ZNF277: variants seen among roughly 807,000 people sequenced by gnomAD.
ZNF277 encodes the protein nuclear receptor-interacting factor 4.
A neutral mutation model predicts 60.7 loss-of-function variants in ZNF277; 55 were observed. The observed-to-expected ratio is 0.91, with a 90% confidence interval of 0.73 to 1.13. The LOEUF (loss-of-function observed/expected upper bound fraction) is 1.13. Ranked by LOEUF, ZNF277 falls within the 50% of genes most tolerant of loss-of-function variation. The pLI, the probability that ZNF277 is intolerant of heterozygous loss-of-function variation, is 0.00. For missense variants in ZNF277, 510 were observed against 523.0 expected (o/e 0.98, Z 0.24); for synonymous variants, 178 against 179.3 (o/e 0.99, Z 0.06).
At chr7:112,297,367 T>C (rs1243325663) in intron 4 of ZNF277, among the ~76,000 whole-genome samples, 1 of 152,218 alleles carries the variant, frequency 6.6e-6, no homozygotes, top group Non-Finnish European at 1.5e-5. Context: ...TAGTGATTTC[T>C]TGTAAGTCTT....
chr7:112,287,893 A>G (rs965133428), intron 2 of ZNF277: 1 of 136,158 alleles, frequency 7.3e-6, no homozygotes, highest in African/African-American at 3.5e-5. Flanking sequence ...AGAATGTCAC[A>G]TACTAATTTA....
chr7:112,251,230 G>T (rs1474662828), intron 1 of ZNF277, among the ~76,000 whole-genome samples: 2 of 152,084 alleles, frequency 1.3e-5, no homozygotes, highest in African/African-American at 4.8e-5. Context: ...TAAATTTAAT[G>T]ATTTTTAACT....
chr7:112,329,047 A>T (rs980615757), intron 6 of ZNF277, among the ~76,000 whole-genome samples: 1 of 152,164 alleles, frequency 6.6e-6, no homozygotes, highest in Non-Finnish European at 1.5e-5. Context: ...GCAATAATGA[A>T]TATATATAAT....
intron 1 of ZNF277, among the ~76,000 whole-genome samples, chr7:112,266,857 T>C (rs1322164595): frequency 6.6e-6 from 1 of 152,184 alleles, no homozygotes; most frequent in East Asian, 1.9e-4. Context: ...GTCACATAAA[T>C]GTTAAATTTT....
chr7:112,326,708 C>T (rs1463414300), intron 5 of ZNF277, among the ~76,000 whole-genome samples: 1 of 149,996 alleles, frequency 6.7e-6, no homozygotes, highest in African/African-American at 2.5e-5. Context: ...TTCACTTTCT[C>T]AAGGGGAAAA....
intron 2 of ZNF277, 102 bp downstream of exon 2, chr7:112,287,176 C>G: frequency 8.2e-7 from 1 of 1,213,638 alleles, no homozygotes; most frequent in Non-Finnish European, 1.2e-6. Flanking sequence ...GAGGATCACC[C>G]GAGGCCAGTA....
At chr7:112,250,114 G>A (rs1791170794) in intron 1 of ZNF277, among the ~76,000 whole-genome samples, 1 of 152,166 alleles carries the variant, frequency 6.6e-6, no homozygotes, top group South Asian at 2.1e-4. Context: ...ACATCCCTGA[G>A]AAAGAGAATG....
At chr7:112,207,078 C>T (rs866536584) in intron 1 of ZNF277, among the ~76,000 whole-genome samples, 1 of 152,196 alleles carries the variant, frequency 6.6e-6, no homozygotes, top group Non-Finnish European at 1.5e-5. Context: ...GCTCCCTGAG[C>T]GTTTGTCTTC....
intron 7 of ZNF277, among the ~76,000 whole-genome samples, chr7:112,331,411 G>A (rs146679514): frequency 6.6e-6 from 1 of 152,252 alleles, no homozygotes; most frequent in East Asian, 1.9e-4. Flanking sequence ...TAAGCAAATG[G>A]AATTTTTTTC....
chr7:112,229,152 G>A (rs1257920500), intron 1 of ZNF277, among the ~76,000 whole-genome samples: 1 of 152,194 alleles, frequency 6.6e-6, no homozygotes, highest in East Asian at 1.9e-4. Context: ...TGAGCTTATA[G>A]TCTAATTGGA....
intron 1 of ZNF277, among the ~76,000 whole-genome samples, chr7:112,234,565 G>A (rs1042171345): frequency 6.6e-6 from 1 of 152,012 alleles, no homozygotes; most frequent in Non-Finnish European, 1.5e-5. Flanking sequence ...ATTTTAAGGG[G>A]ACCATTCAGA....
chr7:112,211,516 T>G (rs1821749239), intron 1 of ZNF277, among the ~76,000 whole-genome samples: 1 of 152,242 alleles, frequency 6.6e-6, no homozygotes, highest in African/African-American at 2.4e-5. Context: ...ACATTGTTAA[T>G]GTTTAATAAG....
Position 112,342,815 on chromosome 7 carries a change from A to C in ZNF277, c.*86A>C. The C allele has an allele frequency of 3.7e-6, 4 of 1,080,216 alleles. No individual in the cohort carries two copies. The East Asian group carries it at 1.2e-4, about 31-fold the overall frequency. The allele number at this position is 1,080,216 out of a possible 1,614,324, so 66.9% of individuals were successfully genotyped here. A position where few individuals can be genotyped will look rare whatever the true frequency, so the allele number is the denominator to read the frequency against. On this transcript the variant is annotated 3_prime_UTR_variant, in exon 12 of 12. Transcript: ENST00000361822. The stretch of plus-strand genomic sequence containing the variant: ...GAGACAGATATGAAAGAACAATTTA[A>C]ATTTGAACATCAACAAAAGATTGGT...
intron 1 of ZNF277, among the ~76,000 whole-genome samples, chr7:112,269,938 T>G (rs927442310): frequency 2.6e-5 from 4 of 152,130 alleles, no homozygotes; most frequent in Non-Finnish European, 5.9e-5. Context: ...TGAAAAACTT[T>G]GCATTCCACA....
At position 112,339,830 on chromosome 7, in the gene ZNF277, A is replaced by T. The variant is rs1464229268; in HGVS notation, c.967-13A>T. 2 of 1,610,816 alleles carry T rather than the reference A, an allele frequency of 1.2e-6. No individual in the cohort carries two copies. The highest frequency in any genetic ancestry group is 8.5e-7 in the Non-Finnish European group (1 of 1,178,326). On this transcript the variant is annotated splice_polypyrimidine_tract_variant and intron_variant, in intron 9 of 11. Coordinates refer to ENST00000361822, the MANE Select transcript of ZNF277 (RefSeq NM_021994.3). ...AATTCATATGCTTACAGATGTATTCATTCCTTTTTTAGGATGCACACGAAT... is the reference window on the plus strand; with the variant it reads ...AATTCATATGCTTACAGATGTATTCTTTCCTTTTTTAGGATGCACACGAAT...
At chr7:112,230,966 G>T (rs1394098571) in intron 1 of ZNF277, among the ~76,000 whole-genome samples, 2 of 152,102 alleles carry the variant, frequency 1.3e-5, no homozygotes, top group African/African-American at 4.8e-5. Flanking sequence ...TGTAATCCCA[G>T]CACTTTGGGA....
intron 4 of ZNF277, among the ~76,000 whole-genome samples, chr7:112,312,841 G>A (rs1168316955): frequency 6.6e-6 from 1 of 151,906 alleles, no homozygotes; most frequent in Non-Finnish European, 1.5e-5. Context: ...GTCAGCAAAG[G>A]CAATTTCAAC....
chr7:112,220,875 T>C (rs1307645168), intron 1 of ZNF277, among the ~76,000 whole-genome samples: 1 of 152,164 alleles, frequency 6.6e-6, no homozygotes, highest in Non-Finnish European at 1.5e-5. Context: ...ATTGTCAGGA[T>C]ATAAACCCAG....
At chr7:112,302,998 G>C (rs544890579) in intron 4 of ZNF277, among the ~76,000 whole-genome samples, 3 of 149,070 alleles carry the variant, frequency 2.0e-5, no homozygotes, top group South Asian at 2.1e-4. Flanking sequence ...ACCCAGGCTG[G>C]AGTGCTGTGG....
Sources: allele counts gnomAD v4.1 joint callset (sites outside exome capture counted in the v4.1 genomes callset), GRCh38; gene constraint gnomAD v4.1.1; transcripts MANE v1.5; gene names NCBI Gene and HGNC (gene_info 2026-07-23, HGNC 2026-07-21).